The following NRG1 variants were observed in gnomAD, a reference collection of about 807,000 sequenced individuals.
NRG1 encodes neuregulin 1, also known as pro-neuregulin-1, membrane-bound isoform.
In NRG1, 18 loss-of-function variants were observed where a neutral mutation model predicts 63.8. That is an observed-to-expected ratio of 0.28 (90% CI 0.19 to 0.42). The LOEUF (loss-of-function observed/expected upper bound fraction) is 0.42, where lower values mean the gene tolerates loss of function less well. Among genes scored for constraint, NRG1 ranks in the 10% least tolerant of loss-of-function variants. The pLI is 1.00. For missense variants in NRG1, 762 were observed against 814.7 expected (o/e 0.94, Z 0.79); for synonymous variants, 302 against 301.3 (o/e 1.00, Z -0.02).
At chr8:32,002,205 G>A (rs771585476) in intron 1 of NRG1, among the ~76,000 whole-genome samples, 1 of 151,814 alleles carries the variant, frequency 6.6e-6, no homozygotes, top group African/African-American at 2.4e-5. Flanking sequence ...TGTATTTTTA[G>A]TAGAGACAGG....
chr8:32,045,408 GTTGATCTATAGATTTAATGCAAC>G (rs1300357056), intron 1 of NRG1, among the ~76,000 whole-genome samples: 1 of 151,882 alleles, frequency 6.6e-6, no homozygotes, highest in East Asian at 1.9e-4. Context: ...ATTCTACTGA[GTTGATCTATAGATTTAATGCAAC>G]TCCAGTCAAA....
chr8:32,771,715 A>AAAAAAAAT (rs1343943621), downstream of NRG1, among the ~76,000 whole-genome samples: 9,060 of 111,258 alleles, frequency 0.081, 620 homozygotes, highest in Non-Finnish European at 0.11. Flanking sequence ...TTAAAAAAAA[A>AAAAAAAAT]ATATATATAT....
At chr8:32,728,717 C>A (rs1223652705) in intron 6 of NRG1, 1 of 906,736 alleles carries the variant, frequency 1.1e-6, no homozygotes, top group Non-Finnish European at 1.3e-6. Context: ...ATAGATATAT[C>A]TAGAATAGCA....
chr8:32,454,635 C>T (rs553933825), intron 1 of NRG1, among the ~76,000 whole-genome samples: 1 of 139,214 alleles, frequency 7.2e-6, no homozygotes, highest in African/African-American at 2.7e-5. Context: ...TCAAATGAAC[C>T]TCCTACCTTG....
chr8:32,712,481 TC>T (rs1158531346), intron 5 of NRG1, among the ~76,000 whole-genome samples: 1 of 152,180 alleles, frequency 6.6e-6, no homozygotes, highest in African/African-American at 2.4e-5. Context: ...TGCTATTCAA[TC>T]TTTAAATAAT....
chr8:32,707,169 A>G (rs1216826039), intron 5 of NRG1, among the ~76,000 whole-genome samples: 3 of 152,068 alleles, frequency 2.0e-5, no homozygotes, highest in Non-Finnish European at 2.9e-5. Flanking sequence ...AGTAATTTGT[A>G]ACAAATTATT....
At chr8:32,282,947 T>C (rs1043047374) in intron 1 of NRG1, among the ~76,000 whole-genome samples, 3 of 152,134 alleles carry the variant, frequency 2.0e-5, no homozygotes, top group Non-Finnish European at 4.4e-5. Flanking sequence ...GTACATGTTT[T>C]GTAGTATATA....
chr8:32,321,592 G>A (rs992334873), intron 1 of NRG1, among the ~76,000 whole-genome samples: 2 of 150,386 alleles, frequency 1.3e-5, no homozygotes, highest in African/African-American at 4.9e-5. Context: ...TGGGAGGAGA[G>A]AAATATTTAG....
intron 5 of NRG1, among the ~76,000 whole-genome samples, chr8:32,665,362 C>T (rs1803874885): frequency 6.6e-6 from 1 of 152,038 alleles, no homozygotes; most frequent in Admixed American, 6.6e-5. Context: ...AATATTTCCC[C>T]TACAAAATTG....
At chr8:31,765,333 G>T (rs1279115988) in intron 1 of NRG1, among the ~76,000 whole-genome samples, 3 of 151,952 alleles carry the variant, frequency 2.0e-5, no homozygotes, top group Non-Finnish European at 4.4e-5. Flanking sequence ...TCGTTTTCTT[G>T]TCTTCTTGGA....
intron 1 of NRG1, among the ~76,000 whole-genome samples, chr8:31,733,062 T>G (rs2131362782): frequency 6.6e-6 from 1 of 152,286 alleles, no homozygotes; most frequent in Non-Finnish European, 1.5e-5. Context: ...ACATGCAGCA[T>G]TTATGTTTCT....
chr8:32,226,503 T>G (rs1188118993), intron 1 of NRG1, among the ~76,000 whole-genome samples: 1 of 152,180 alleles, frequency 6.6e-6, no homozygotes, highest in East Asian at 1.9e-4. Flanking sequence ...ACTTGTCTTT[T>G]TCTGGCATTT....
At chr8:32,549,463 A>C (rs1833717828) in intron 1 of NRG1, among the ~76,000 whole-genome samples, 1 of 152,202 alleles carries the variant, frequency 6.6e-6, no homozygotes, top group African/African-American at 2.4e-5. Flanking sequence ...AGCAGATGAA[A>C]TCTAGTCCAG....
intron 1 of NRG1, among the ~76,000 whole-genome samples, chr8:31,931,997 C>T (rs1834904253): frequency 6.6e-6 from 1 of 152,122 alleles, no homozygotes; most frequent in South Asian, 2.1e-4. Flanking sequence ...AGCAATCATC[C>T]AAAGAGATGT....
At chr8:32,571,839 C>T (rs1838653678) in intron 1 of NRG1, among the ~76,000 whole-genome samples, 1 of 152,122 alleles carries the variant, frequency 6.6e-6, no homozygotes, top group African/African-American at 2.4e-5. Flanking sequence ...GGTAAGACAA[C>T]TCAGTAAATA....
At chr8:32,481,503 G>A (rs1465677966) in intron 1 of NRG1, among the ~76,000 whole-genome samples, 2 of 152,204 alleles carry the variant, frequency 1.3e-5, no homozygotes, top group Admixed American at 1.3e-4. Context: ...CATTATCATG[G>A]TCCATAGATA....
intron 5 of NRG1, among the ~76,000 whole-genome samples, chr8:32,644,896 C>G (rs1853185814): frequency 6.6e-6 from 1 of 151,086 alleles, no homozygotes; most frequent in Non-Finnish European, 1.5e-5. Context: ...CTTTTCTAAA[C>G]TATGGGTTAT....
intron 1 of NRG1, among the ~76,000 whole-genome samples, chr8:32,127,472 G>A (rs981442811): frequency 6.6e-6 from 1 of 151,190 alleles, no homozygotes; most frequent in African/African-American, 2.4e-5. Context: ...TAAATTGTTG[G>A]TCCTTAATCC....
chr8:32,437,520 C>T (rs1818944923), intron 1 of NRG1, among the ~76,000 whole-genome samples: 1 of 152,120 alleles, frequency 6.6e-6, no homozygotes, highest in Non-Finnish European at 1.5e-5. Flanking sequence ...TGTTGATGGG[C>T]AAATAAACTC....
Sources: gnomAD v4.1 joint callset for allele counts (sites outside exome capture counted in the v4.1 genomes callset) on GRCh38, gnomAD v4.1.1 for gene constraint, MANE v1.5 for transcripts, NCBI Gene and HGNC (gene_info 2026-07-23, HGNC 2026-07-21) for gene names.